The following LOC128706666 variants were observed in gnomAD, a reference collection of about 807,000 sequenced individuals.
chr20:10,417,325 C>CA, the LOC128706666 span, among the ~76,000 whole-genome samples: 1 of 151,842 alleles, frequency 6.6e-6, no homozygotes, highest in Non-Finnish European at 1.5e-5. Context: ...ATCTTAGCAA[C>CA]ACTGGCTAGA....
the LOC128706666 span, among the ~76,000 whole-genome samples, chr20:10,430,078 CT>C: frequency 6.6e-6 from 1 of 152,198 alleles, no homozygotes; most frequent in Non-Finnish European, 1.5e-5. Context: ...TGTATTCCTG[CT>C]TTGCTTAAAA....
chr20:10,426,851 C>A, the LOC128706666 span, among the ~76,000 whole-genome samples: 1 of 152,086 alleles, frequency 6.6e-6, no homozygotes, highest in Non-Finnish European at 1.5e-5. Context: ...AAAACACATC[C>A]GTGACCTACT....
the LOC128706666 span, among the ~76,000 whole-genome samples, chr20:10,430,038 C>CA: frequency 0.48 from 72,831 of 151,918 alleles, 18,327 homozygotes; most frequent in Non-Finnish European, 0.56. Flanking sequence ...AAACAAAAAA[C>CA]AAAAAAACAA....
At chr20:10,427,026 AC>A in the LOC128706666 span, among the ~76,000 whole-genome samples, 1 of 135,584 alleles carries the variant, frequency 7.4e-6, no homozygotes, top group Non-Finnish European at 1.6e-5. Flanking sequence ...AAAAGAAAAC[AC>A]TGACACACAC....
At chr20:10,431,055 G>A in the LOC128706666 span, among the ~76,000 whole-genome samples, 1 of 152,160 alleles carries the variant, frequency 6.6e-6, no homozygotes, top group Admixed American at 6.5e-5. Context: ...ATTATGAAGA[G>A]AACTATATAC....
At chr20:10,423,606 T>A in the LOC128706666 span, among the ~76,000 whole-genome samples, 1 of 152,210 alleles carries the variant, frequency 6.6e-6, no homozygotes, top group African/African-American at 2.4e-5. Flanking sequence ...TGACATAGTA[T>A]GAACCCTCTT....
At chr20:10,432,642 A>G in the LOC128706666 span, among the ~76,000 whole-genome samples, 1 of 152,042 alleles carries the variant, frequency 6.6e-6, no homozygotes. Context: ...AAAAATACAA[A>G]AATTAGCCAG....
At chr20:10,432,038 C>T in the LOC128706666 span, 1 of 152,334 alleles carries the variant, frequency 6.6e-6, no homozygotes, top group African/African-American at 2.4e-5. Flanking sequence ...TTCCCCAGCT[C>T]CTGGAAGAGC....
chr20:10,415,610 G>T, the LOC128706666 span, among the ~76,000 whole-genome samples: 1 of 152,172 alleles, frequency 6.6e-6, no homozygotes, highest in African/African-American at 2.4e-5. Context: ...GGCTATTACA[G>T]ATTCAGCAAA....
the LOC128706666 span, among the ~76,000 whole-genome samples, chr20:10,428,406 C>T: frequency 0.11 from 17,464 of 152,120 alleles, 1,108 homozygotes; most frequent in East Asian, 0.24. Context: ...CCATTTCTAC[C>T]CTTCATCATT....
the LOC128706666 span, among the ~76,000 whole-genome samples, chr20:10,415,331 T>C: frequency 6.6e-6 from 1 of 152,196 alleles, no homozygotes; most frequent in Non-Finnish European, 1.5e-5. Context: ...GGCTACAGCA[T>C]AGTATGGTGA....
At chr20:10,428,142 G>C in the LOC128706666 span, among the ~76,000 whole-genome samples, 1 of 152,214 alleles carries the variant, frequency 6.6e-6, no homozygotes, top group Non-Finnish European at 1.5e-5. Context: ...CTAATGAGAA[G>C]TGAAAACTAG....
At chr20:10,420,556 T>A in the LOC128706666 span, 1 of 152,232 alleles carries the variant, frequency 6.6e-6, no homozygotes, top group African/African-American at 2.4e-5. Flanking sequence ...CTACTTCCCC[T>A]GGATTTGGCT....
chr20:10,432,365 A>C, the LOC128706666 span, among the ~76,000 whole-genome samples: 5 of 152,230 alleles, frequency 3.3e-5, no homozygotes, highest in African/African-American at 9.7e-5. Context: ...TCTGATTCTC[A>C]GGAAACCCAA....
chr20:10,430,806 A>T, the LOC128706666 span, among the ~76,000 whole-genome samples: 74,752 of 152,082 alleles, frequency 0.49, 18,997 homozygotes, highest in Non-Finnish European at 0.56. Flanking sequence ...AATTTCATGT[A>T]TGTTTCTCTA....
At chr20:10,422,572 G>A in the LOC128706666 span, among the ~76,000 whole-genome samples, 1 of 152,140 alleles carries the variant, frequency 6.6e-6, no homozygotes, top group African/African-American at 2.4e-5. Context: ...GCTGGCCTGT[G>A]TTGATTGACA....
At chr20:10,424,988 G>C in the LOC128706666 span, among the ~76,000 whole-genome samples, 1 of 151,618 alleles carries the variant, frequency 6.6e-6, no homozygotes, top group Non-Finnish European at 1.5e-5. Context: ...GGGAGGCGGA[G>C]GTTGCAGTGA....
the LOC128706666 span, among the ~76,000 whole-genome samples, chr20:10,424,921 C>T: frequency 6.6e-6 from 1 of 151,900 alleles, no homozygotes; most frequent in South Asian, 2.1e-4. Context: ...GGTGTGGTGG[C>T]AGGCGCCTGT....
At chr20:10,420,943 C>G in the LOC128706666 span, among the ~76,000 whole-genome samples, 1 of 152,166 alleles carries the variant, frequency 6.6e-6, no homozygotes, top group Non-Finnish European at 1.5e-5. Flanking sequence ...CCAAAGGGAG[C>G]AGGCAGTCAG....
Sources: gnomAD v4.1 joint callset for allele counts (sites outside exome capture counted in the v4.1 genomes callset) on GRCh38, gnomAD v4.1.1 for gene constraint, MANE v1.5 for transcripts.